The following EXOC6 variants were observed in gnomAD, a reference collection of about 807,000 sequenced individuals.
The protein encoded by EXOC6 is SEC15-like 1.
Under a neutral mutation model 112.5 loss-of-function variants are expected in EXOC6, and 60 were observed. That is an observed-to-expected ratio of 0.53 (90% CI 0.43 to 0.66). EXOC6 has a LOEUF of 0.66. EXOC6 is among the 30% of genes least tolerant of loss of function. EXOC6 has a pLI of 0.00. For missense variants in EXOC6, 855 were observed against 957.1 expected (o/e 0.89, Z 1.41); for synonymous variants, 295 against 308.0 (o/e 0.96, Z 0.44).
At chr10:93,043,098 G>A (rs1211699926) in intron 20 of EXOC6, among the ~76,000 whole-genome samples, 1 of 151,998 alleles carries the variant, frequency 6.6e-6, no homozygotes, top group East Asian at 1.9e-4. Flanking sequence ...ACCACAGCCA[G>A]CTAATTTTTT....
intron 1 of EXOC6, among the ~76,000 whole-genome samples, chr10:92,868,855 C>T (rs1030579122): frequency 2.0e-5 from 3 of 146,934 alleles, no homozygotes; most frequent in African/African-American, 7.5e-5. Flanking sequence ...TGCTAGAGAC[C>T]AGGCTGGAGG....
At chr10:92,864,919 C>A (rs1848104593) in intron 1 of EXOC6, among the ~76,000 whole-genome samples, 1 of 152,102 alleles carries the variant, frequency 6.6e-6, no homozygotes, top group African/African-American at 2.4e-5. Flanking sequence ...TGTAATAAAT[C>A]TTTTATATGT....
At chr10:92,866,651 G>A (rs1486691924) in intron 1 of EXOC6, among the ~76,000 whole-genome samples, 3 of 152,004 alleles carry the variant, frequency 2.0e-5, no homozygotes, top group Non-Finnish European at 4.4e-5. Context: ...ATTATGTAGG[G>A]TAATGTTAGC....
intron 1 of EXOC6, among the ~76,000 whole-genome samples, chr10:92,853,436 C>T (rs1375711368): frequency 1.3e-5 from 2 of 152,032 alleles, no homozygotes; most frequent in Non-Finnish European, 2.9e-5. Flanking sequence ...CTAGATTAGC[C>T]AAACTAACTT....
upstream of EXOC6, chr10:92,848,440 C>CCCCCCCCCCCCCCCA: frequency 8.7e-6 from 7 of 805,100 alleles, no homozygotes; most frequent in Non-Finnish European, 6.2e-6. Context: ...AGCGCCCCGC[C>CCCCCCCCCCCCCCCA]CCCGCCCCGC....
chr10:92,841,718 C>A (rs578027870), intron 1 of EXOC6, among the ~76,000 whole-genome samples: 2 of 152,134 alleles, frequency 1.3e-5, no homozygotes, highest in East Asian at 3.9e-4. Context: ...AATATTCCAA[C>A]CAGGGGGACA....
intron 18 of EXOC6, among the ~76,000 whole-genome samples, chr10:92,996,534 G>T (rs1440809995): frequency 6.6e-6 from 1 of 151,384 alleles, no homozygotes; most frequent in African/African-American, 2.4e-5. Context: ...GGAGAATGGT[G>T]TGAACCCAGG....
intron 1 of EXOC6, among the ~76,000 whole-genome samples, chr10:92,891,871 A>G (rs1849519997): frequency 6.6e-6 from 1 of 152,236 alleles, no homozygotes; most frequent in South Asian, 2.1e-4. Flanking sequence ...GACAGAGGCT[A>G]CCCTCAAGAA....
At chr10:92,994,840 AT>A (rs1233193334) in intron 18 of EXOC6, among the ~76,000 whole-genome samples, 6 of 151,990 alleles carry the variant, frequency 3.9e-5, no homozygotes, top group African/African-American at 1.4e-4. Flanking sequence ...TTAAAAATAA[AT>A]TTTCAAATAT....
intron 20 of EXOC6, among the ~76,000 whole-genome samples, chr10:93,046,599 C>CT (rs557988271): frequency 0.13 from 18,588 of 142,534 alleles, 1,266 homozygotes; most frequent in African/African-American, 0.18. Flanking sequence ...TCATGGTTTC[C>CT]TTTTTTTTTT....
intron 1 of EXOC6, among the ~76,000 whole-genome samples, chr10:92,887,553 C>T (rs1849289573): frequency 6.6e-6 from 1 of 151,772 alleles, no homozygotes; most frequent in Admixed American, 6.6e-5. Flanking sequence ...GCGCCCGCCA[C>T]CACACCCAGC....
Position 92,894,786 on chromosome 10 carries a change from T to A in EXOC6, c.274-8T>A. Reference sequence around the variant, plus strand: ...TTTGTCTAACTAAGGTGAAATTAAATTTTTAAGGTGCAAGTTACTGATACC... The same window carrying A: ...TTTGTCTAACTAAGGTGAAATTAAAATTTTAAGGTGCAAGTTACTGATACC... On this transcript the variant is annotated splice_region_variant and splice_polypyrimidine_tract_variant and intron_variant, in intron 2 of 21. Coordinates refer to ENST00000260762, the MANE Select transcript of EXOC6 (RefSeq NM_019053.6). 2 of 1,613,028 alleles carry A rather than the reference T, an allele frequency of 1.2e-6. No individual in the cohort carries two copies. Among genetic ancestry groups the A allele is most frequent in the East Asian group, 2.2e-5 (1 of 44,778 alleles).
chr10:92,831,399 G>A, upstream of EXOC6: 1 of 1,169,060 alleles, frequency 8.6e-7, no homozygotes. Context: ...AACTACTTTA[G>A]AGTATAGTAT....
At chr10:92,836,155 C>T (rs1354535951) in intron 1 of EXOC6, among the ~76,000 whole-genome samples, 1 of 152,146 alleles carries the variant, frequency 6.6e-6, no homozygotes, top group Non-Finnish European at 1.5e-5. Flanking sequence ...GCCTCTGCTC[C>T]CATTGCTGCT....
intron 9 of EXOC6, among the ~76,000 whole-genome samples, chr10:92,932,062 G>A (rs1441986816): frequency 6.6e-6 from 1 of 152,038 alleles, no homozygotes; most frequent in African/African-American, 2.4e-5. Flanking sequence ...ATAAATTGTG[G>A]TACATCCATA....
At chr10:92,968,963 T>TTC (rs1842179544) in intron 17 of EXOC6, among the ~76,000 whole-genome samples, 1 of 152,140 alleles carries the variant, frequency 6.6e-6, no homozygotes, top group Non-Finnish European at 1.5e-5. Context: ...TACTCATTAT[T>TTC]AGCAGGAATG....
chr10:92,858,022 T>TTTCCCCCCC (rs1554882161), intron 1 of EXOC6, among the ~76,000 whole-genome samples: 2 of 101,272 alleles, frequency 2.0e-5, no homozygotes, highest in African/African-American at 3.6e-5. Context: ...GTTGACGGGT[T>TTTCCCCCCC]CCCCCCCTCC....
intron 17 of EXOC6, among the ~76,000 whole-genome samples, chr10:92,963,119 A>AG (rs1228610921): frequency 6.6e-6 from 1 of 152,252 alleles, no homozygotes; most frequent in East Asian, 1.9e-4. Flanking sequence ...ATAATGACCC[A>AG]GAAGATGGAA....
chr10:92,977,643 G>A (rs963629137), intron 18 of EXOC6, among the ~76,000 whole-genome samples: 51 of 152,004 alleles, frequency 3.4e-4, no homozygotes, highest in African/African-American at 1.0e-3. Context: ...GCCAAAAGCA[G>A]TCCTCAAGAA....
Sources: allele counts gnomAD v4.1 joint callset (sites outside exome capture counted in the v4.1 genomes callset), GRCh38; gene constraint gnomAD v4.1.1; transcripts MANE v1.5; gene names NCBI Gene and HGNC (gene_info 2026-07-23, HGNC 2026-07-21).